Variants in ALPK2 observed in about 807,000 individuals in gnomAD.
The protein encoded by ALPK2 is alpha-protein kinase 2.
Under a neutral mutation model 163.1 loss-of-function variants are expected in ALPK2, and 127 were observed. That is an observed-to-expected ratio of 0.78 (90% CI 0.67 to 0.90). ALPK2 has a LOEUF of 0.90. Among genes scored for constraint, ALPK2 ranks in the 40% least tolerant of loss-of-function variants. The probability of loss-of-function intolerance (pLI) is 0.00; values close to 1 mark genes in which losing one functional copy is unlikely to be tolerated. For synonymous variants in ALPK2, 953 were observed against 959.1 expected, an observed-to-expected ratio of 0.99 and a Z score of 0.12; for missense variants, 2,360 against 2,589.6, an observed-to-expected ratio of 0.91 and a Z score of 1.92.
chr18:58,593,313 C>T (rs527400152), intron 3 of ALPK2, among the ~76,000 whole-genome samples: 5 of 152,178 alleles, frequency 3.3e-5, no homozygotes, highest in African/African-American at 1.2e-4. Flanking sequence ...CGCCTGTAGT[C>T]CCAGCACTTT....
At position 58,579,923 on chromosome 18, in the gene ALPK2, G is replaced by A. The variant is rs2051947654; in HGVS notation, c.853C>T (p.Pro285Ser). ...PLSEATAHIY[P>S]GDSAVANKQP... The stretch of plus-strand genomic sequence containing the variant: ...TTGTTGGCCACGGCACTGTCACCTG[G>A]GTAAATGTGTGCAGTTGCCTCAGAT... The change falls in exon 4 of 13, where the codon CCA (proline) becomes TCA (serine). Residue 285 changes from proline (P) to serine (S), a missense_variant. Pro to Ser is a moderately conservative substitution (Grantham distance 74). Transcript: ENST00000361673. 2 of 1,614,012 alleles carry A rather than the reference G, an allele frequency of 1.2e-6. No homozygotes were observed. Among genetic ancestry groups the A allele is most frequent in the African/African-American group, 2.7e-5 (2 of 74,902 alleles).
intron 8 of ALPK2, among the ~76,000 whole-genome samples, chr18:58,520,605 C>G (rs1469910508): frequency 6.6e-6 from 1 of 152,084 alleles, no homozygotes; most frequent in Non-Finnish European, 1.5e-5. Context: ...CCTGCAGCCA[C>G]TGGTTACAAA....
intron 1 of ALPK2, among the ~76,000 whole-genome samples, chr18:58,626,034 T>C (rs1448753282): frequency 6.6e-6 from 1 of 152,238 alleles, no homozygotes. Flanking sequence ...CAAGTTGCTT[T>C]ACATGTTTGC....
At chr18:58,608,076 A>G (rs939488811) in intron 2 of ALPK2, among the ~76,000 whole-genome samples, 3 of 152,220 alleles carry the variant, frequency 2.0e-5, no homozygotes, top group Admixed American at 6.5e-5. Context: ...TCTCTAATTA[A>G]TTAGTTGAAT....
chr18:58,579,149 T>C lies in ALPK2; in HGVS notation c.1627A>G (p.Lys543Glu). 1 of 1,614,220 alleles carries C rather than the reference T, an allele frequency of 6.2e-7. No individual in the cohort carries two copies. Among genetic ancestry groups the C allele is most frequent in the East Asian group, 2.2e-5 (1 of 44,880 alleles). The part of the protein sequence containing the change: ...KSARVRQPGM[K>E]GNPKKPNANL... ...GCATTCGGCTTCTTGGGATTTCCCT[T>C]CATTCCCGGCTGCCTCACCCTGGCA... Residue 543 changes from lysine (K) to glutamate (E), a missense_variant, in exon 4 of 13, where the codon AAG becomes GAG. Lys to Glu is a moderately conservative substitution (Grantham distance 56). Transcript: ENST00000361673.
Position 58,534,944 on chromosome 18 carries a change from A to G in ALPK2, c.5243T>C (p.Ile1748Thr). 1.9e-6 allele frequency: 3 copies of G among 1,614,070 alleles called. No individual in the cohort carries two copies. The highest frequency in any genetic ancestry group is 2.5e-6 in the Non-Finnish European group (3 of 1,180,006). Reference protein sequence around the residue: ...LRLKLEEKENIRKNSAFLKKM... With the variant: ...LRLKLEEKENTRKNSAFLKKM... ...TTTAAGAAAGGCTGAGTTCTTTCTG[A>G]TATTTTCCTTTTCTTCCAGTTTCAG... The change falls in exon 5 of 13, where the codon ATC (isoleucine) becomes ACC (threonine). Residue 1748 changes from isoleucine to threonine, a missense_variant. Coordinates refer to ENST00000361673, the MANE Select transcript of ALPK2 (RefSeq NM_052947.4).
In ALPK2 at chr18:58,553,850, G is replaced by GT. The variant is rs71173061; in HGVS notation, c.1963-15627dup. 3.5e-3 allele frequency among the ~76,000 whole-genome samples: 261 copies of GT among 74,014 alleles called. 8 individuals carry two copies. The highest frequency in any genetic ancestry group is 4.8e-3 in the Non-Finnish European group (210 of 43,480). The allele number at this position is 74,014 out of a possible 152,430, so 48.6% of individuals were successfully genotyped here. On this transcript the variant is annotated intron_variant, in intron 4 of 12. Transcript: ENST00000361673. ...TCGAGCAGTTGGGGTTTTTTTTTTG[G>GT]TTTTTTTTTTTTTTTTTTTTTTTTT...
chr18:58,544,111 T>G (rs1313750870), intron 4 of ALPK2: 1 of 152,086 alleles, frequency 6.6e-6, no homozygotes, highest in Non-Finnish European at 1.5e-5. Context: ...CTCAAATAAT[T>G]TTGCTGAATG....
At chr18:58,567,553 C>T (rs2051862694) in intron 4 of ALPK2, among the ~76,000 whole-genome samples, 1 of 152,136 alleles carries the variant, frequency 6.6e-6, no homozygotes, top group Admixed American at 6.6e-5. Flanking sequence ...GAACACGAGA[C>T]ATCCAAATCC....
intron 1 of ALPK2, among the ~76,000 whole-genome samples, chr18:58,614,981 A>T (rs2052157741): frequency 1.4e-5 from 2 of 140,308 alleles, no homozygotes; most frequent in African/African-American, 2.6e-5. Context: ...TCTATTATGG[A>T]TTTTTTTTTT....
intron 4 of ALPK2, among the ~76,000 whole-genome samples, chr18:58,546,600 T>C (rs759289986): frequency 2.6e-5 from 4 of 152,230 alleles, no homozygotes; most frequent in Non-Finnish European, 4.4e-5. Flanking sequence ...TTAATGTTGG[T>C]AAAATGGCAT....
At chr18:58,610,917 A>G (rs959710740) in intron 2 of ALPK2, among the ~76,000 whole-genome samples, 1 of 152,216 alleles carries the variant, frequency 6.6e-6, no homozygotes, top group Non-Finnish European at 1.5e-5. Context: ...CAACATGGTG[A>G]AACCCCATCT....
chr18:58,525,207 C>G (rs1032241769), intron 6 of ALPK2, among the ~76,000 whole-genome samples: 2 of 152,178 alleles, frequency 1.3e-5, no homozygotes, highest in African/African-American at 4.8e-5. Context: ...TATATACATT[C>G]CTTCCCTGGA....
In ALPK2 at chr18:58,580,471, AC is replaced by A; in HGVS notation, c.304del (p.Val102LeufsTer146). ...GTTCTCTGATGAGCACTCAACCTCA[AC>A]GGAAGCAGAACAACAGATCATTCCA... is the stretch of plus-strand genomic sequence containing the variant. The part of the protein sequence containing the change: ...SFGMICCSAS[V>X]EVECSSENPQ... On this transcript the variant is annotated frameshift_variant, in exon 4 of 13. Transcript: ENST00000361673. LOFTEE classifies it high-confidence loss of function. 1 of 1,614,176 alleles carries A rather than the reference AC, an allele frequency of 6.2e-7. No individual in the cohort carries two copies. The highest frequency in any genetic ancestry group is 8.5e-7 in the Non-Finnish European group (1 of 1,180,022).
intron 3 of ALPK2, chr18:58,580,839 G>T: frequency 2.6e-6 from 1 of 386,328 alleles, no homozygotes; most frequent in Non-Finnish European, 4.7e-6. Flanking sequence ...GCCATGGCAG[G>T]GTCAGGACAT....
At chr18:58,514,752 A>T (rs1328128827) in intron 10 of ALPK2, among the ~76,000 whole-genome samples, 2 of 151,276 alleles carry the variant, frequency 1.3e-5, no homozygotes, top group Non-Finnish European at 2.9e-5. Context: ...CCATCCATCC[A>T]TCCATTCATT....
intron 1 of ALPK2, among the ~76,000 whole-genome samples, chr18:58,613,023 G>A (rs545623754): frequency 2.6e-5 from 4 of 152,316 alleles, no homozygotes; most frequent in Admixed American, 6.5e-5. Context: ...TGGTAGGAGA[G>A]GCCAAATTAA....
intron 12 of ALPK2, among the ~76,000 whole-genome samples, chr18:58,490,939 C>T (rs1249696881): frequency 6.6e-6 from 1 of 152,186 alleles, no homozygotes; most frequent in Non-Finnish European, 1.5e-5. Context: ...AGGAAGCACA[C>T]AGTCCATTCG....
In ALPK2 at chr18:58,580,103, C is replaced by T; in HGVS notation, c.673G>A (p.Glu225Lys). ...LLFLNSSHIY[E>K]KQDRCCHKTV... ...TTGTGGCAACATCTGTCTTGTTTTT[C>T]ATAAATATGACTTGAATTAAGAAAA... Residue 225 changes from glutamate (E) to lysine (K), a missense_variant, in exon 4 of 13, where the codon GAA becomes AAA. Transcript: ENST00000361673. 6.2e-7 allele frequency: 1 copy of T among 1,614,262 alleles called. No individual in the cohort carries two copies. The highest frequency in any genetic ancestry group is 8.5e-7 in the Non-Finnish European group (1 of 1,180,046).
Sources: allele counts gnomAD v4.1 joint callset (sites outside exome capture counted in the v4.1 genomes callset), GRCh38; gene constraint gnomAD v4.1.1; transcripts MANE v1.5; gene names NCBI Gene and HGNC (gene_info 2026-07-23, HGNC 2026-07-21).